GSS: variants seen among roughly 807,000 people sequenced by gnomAD.
The protein encoded by GSS is GSH synthetase.
GSS carries 34 observed loss-of-function variants against 60.4 expected under a neutral mutation model. The observed-to-expected ratio is 0.56, with a 90% confidence interval of 0.43 to 0.75. The LOEUF (loss-of-function observed/expected upper bound fraction) is 0.75, where lower values mean the gene tolerates loss of function less well. Ranked by LOEUF, GSS falls within the 30% of genes least tolerant of loss-of-function variation. GSS has a pLI of 0.00. For synonymous variants in GSS, 224 were observed against 239.0 expected (o/e 0.94, Z 0.58); for missense variants, 499 against 595.1 (o/e 0.84, Z 1.68).
chr20:34,946,265 A>G (rs1420749291), intron 2 of GSS, among the ~76,000 whole-genome samples, 167 bp from the exon 3 acceptor site: 1 of 152,196 alleles, frequency 6.6e-6, no homozygotes, highest in African/African-American at 2.4e-5. Flanking sequence ...GAACCCAGAG[A>G]GCTTCCAGAT....
At chr20:34,937,057 A>G (rs774175541) in intron 6 of GSS, 34 bp from the exon 7 acceptor site, 27 of 1,512,560 alleles carry the variant, frequency 1.8e-5, no homozygotes, top group Non-Finnish European at 2.4e-5. Context: ...CGAGGCTACT[A>G]TAGAACTTGT....
intron 6 of GSS, among the ~76,000 whole-genome samples, chr20:34,938,767 AG>A (rs1333857410): frequency 2.0e-5 from 3 of 152,236 alleles, no homozygotes; most frequent in Non-Finnish European, 2.9e-5. Context: ...AGTTCTGAGC[AG>A]TTCTCAGCAG....
chr20:34,939,952 G>A (rs1470184779), intron 6 of GSS, among the ~76,000 whole-genome samples: 1 of 152,142 alleles, frequency 6.6e-6, no homozygotes, highest in Non-Finnish European at 1.5e-5. Context: ...TTAGAGGTGT[G>A]AGCCACTGCA....
At chr20:34,950,718 A>G (rs2065003) in intron 2 of GSS, among the ~76,000 whole-genome samples, 96,103 of 151,866 alleles carry the variant, frequency 0.63, 31,495 homozygotes, top group African/African-American at 0.79. Context: ...GCAGTGAGCC[A>G]AGATTGTGCC....
upstream of GSS, chr20:34,956,007 G>C (rs1423091447): frequency 6.6e-6 from 1 of 152,394 alleles, no homozygotes; most frequent in Non-Finnish European, 1.5e-5. Context: ...GGGAGCTACG[G>C]GTATGCATAG....
In GSS at chr20:34,950,863, G is replaced by A. The variant is rs775211472; in HGVS notation, c.129+861C>T. 3.9e-5 allele frequency among the ~76,000 whole-genome samples: 6 copies of A among 152,252 alleles called. No homozygotes were observed. The South Asian group carries it at 1.0e-3, about 26-fold the overall frequency. The stretch of plus-strand genomic sequence containing the variant: ...ACAAGCTGCATTAGGGTAAACTCTT[G>A]TACCATTTGAATTTGAACCATGAAA... On this transcript the variant is annotated intron_variant, in intron 2 of 12. Transcript: ENST00000651619.
intron 1 of GSS, chr20:34,952,206 C>T: frequency 2.8e-6 from 1 of 361,436 alleles, no homozygotes; most frequent in Non-Finnish European, 5.3e-6. Flanking sequence ...GGACTCCCAG[C>T]CTAAAGGCTC....
chr20:34,949,183 G>T (rs1344560921), intron 2 of GSS, among the ~76,000 whole-genome samples: 1 of 152,062 alleles, frequency 6.6e-6, no homozygotes, highest in African/African-American at 2.4e-5. Context: ...TGAATTTTGC[G>T]CCCTGTTCAA....
At chr20:34,951,001 G>A (rs75341034) in intron 2 of GSS, among the ~76,000 whole-genome samples, 210 of 151,856 alleles carry the variant, frequency 1.4e-3, no homozygotes, top group African/African-American at 4.3e-3. Context: ...CTACTTTTAC[G>A]TATTGAACCT....
At chr20:34,952,181 T>A in intron 1 of GSS, 1 of 394,642 alleles carries the variant, frequency 2.5e-6, no homozygotes, top group Non-Finnish European at 4.8e-6. Context: ...AGCCTGGACT[T>A]GAACCCATGT....
In GSS at chr20:34,937,041, G is replaced by A. The variant is rs746004095; in HGVS notation, c.609-18C>T. On this transcript the variant is annotated intron_variant, in intron 6 of 12. Coordinates refer to ENST00000651619, the MANE Select transcript of GSS (RefSeq NM_000178.4). The stretch of plus-strand genomic sequence containing the variant: ...CCAGAGCACTGGGGAAAGAGCACAG[G>A]TGGCCCGAGGCTACTATAGAACTTG... 2 of 1,586,704 alleles carry A rather than the reference G, an allele frequency of 1.3e-6. No homozygotes were observed. Among genetic ancestry groups the A allele is most frequent in the South Asian group, 1.1e-5 (1 of 90,464 alleles).
At chr20:34,954,726 G>A (rs2081606395) in intron 1 of GSS, 1 of 153,552 alleles carries the variant, frequency 6.5e-6, no homozygotes, top group Admixed American at 6.6e-5. Context: ...CTTCAAACTA[G>A]AATATCCAAT....
chr20:34,929,858 T>G (rs1472250314), intron 11 of GSS, among the ~76,000 whole-genome samples: 3 of 152,204 alleles, frequency 2.0e-5, no homozygotes, highest in Non-Finnish European at 4.4e-5. Context: ...TGCTGGCTCC[T>G]TCTCTTAAAT....
Position 34,942,617 on chromosome 20 carries a change from A to G in GSS, c.362T>C (p.Leu121Pro), listed in dbSNP as rs761101957. The G allele has an allele frequency of 6.2e-7, 1 of 1,614,088 alleles. No individual in the cohort carries two copies. Among genetic ancestry groups the G allele is most frequent in the East Asian group, 2.2e-5 (1 of 44,874 alleles). ...CATGTAGTCTGAGCGATTCAGGCCC[A>G]GGAACACAGTCTGTGGGGAAAACTG... is the stretch of plus-strand genomic sequence containing the variant. ...LKEGIAQTVFLGLNRSDYMFQ... is the reference protein window; with the variant it reads ...LKEGIAQTVFPGLNRSDYMFQ... Residue 121 changes from leucine to proline, a missense_variant, in exon 5 of 13, where the codon CTG (leucine) becomes CCG (proline). Leu to Pro is a moderately conservative substitution (Grantham distance 98). Coordinates refer to ENST00000651619, the MANE Select transcript of GSS (RefSeq NM_000178.4).
chr20:34,931,436 C>T lies in GSS; in HGVS notation c.1030-19G>A. 1.2e-6 allele frequency: 2 copies of T among 1,608,834 alleles called. No homozygotes were observed. Among genetic ancestry groups the T allele is most frequent in the Non-Finnish European group, 1.7e-6 (2 of 1,175,230 alleles). Reference sequence around the variant, plus strand: ...CTTCACCCTGGCAGGAGGCAGAAAGCAGTTATCAAAAGTTTAAAGGCTAAA... The same window carrying T: ...CTTCACCCTGGCAGGAGGCAGAAAGTAGTTATCAAAAGTTTAAAGGCTAAA... On this transcript the variant is annotated intron_variant, in intron 10 of 12. Transcript: ENST00000651619.
intron 6 of GSS, 43 bp from the exon 7 acceptor site, chr20:34,937,066 GTTC>G (rs1344276284): frequency 2.7e-6 from 4 of 1,464,242 alleles, no homozygotes; most frequent in African/African-American, 1.4e-5. Context: ...TATAGAACTT[GTTC>G]TTCTTTTGTT....
At chr20:34,942,447 G>A (rs1320488324) in intron 5 of GSS, 41 bp downstream of exon 5, 9 of 1,590,266 alleles carry the variant, frequency 5.7e-6, no homozygotes, top group African/African-American at 1.3e-5. Flanking sequence ...CCATCAGCAT[G>A]TCACCCCACA....
intron 1 of GSS, chr20:34,954,713 T>C (rs1218885982): frequency 1.3e-5 from 2 of 153,738 alleles, no homozygotes; most frequent in Non-Finnish European, 2.9e-5. Context: ...AATACTTTCC[T>C]ACCTTCAAAC....
At chr20:34,945,926 G>A in intron 3 of GSS, 27 bp downstream of exon 3, 2 of 1,611,258 alleles carry the variant, frequency 1.2e-6, no homozygotes, top group Non-Finnish European at 1.7e-6. Flanking sequence ...GCAGCTCCTG[G>A]CCCCCCAATG....
Sources: allele counts gnomAD v4.1 joint callset (sites outside exome capture counted in the v4.1 genomes callset), GRCh38; gene constraint gnomAD v4.1.1; transcripts MANE v1.5; gene names NCBI Gene and HGNC (gene_info 2026-07-23, HGNC 2026-07-21).